Variants in MFSD6 observed in about 807,000 individuals in gnomAD.
MFSD6 encodes the protein major facilitator superfamily domain containing 6, also known as major facilitator superfamily domain-containing protein 6.
In MFSD6, 26 loss-of-function variants were observed where a neutral mutation model predicts 56.3. The observed-to-expected ratio is 0.46, with a 90% CI of 0.34 to 0.64. The LOEUF (loss-of-function observed/expected upper bound fraction) is 0.64, where lower values mean the gene tolerates loss of function less well. Among genes scored for constraint, MFSD6 ranks in the 30% least tolerant of loss-of-function variants. MFSD6 has a pLI of 0.01. For missense variants in MFSD6, 750 were observed against 986.2 expected (o/e 0.76, Z 3.21); for synonymous variants, 331 against 366.9 (o/e 0.90, Z 1.12).
chr2:190,427,575 C>A (rs1431310963), intron 2 of MFSD6, among the ~76,000 whole-genome samples: 2 of 152,124 alleles, frequency 1.3e-5, no homozygotes, highest in African/African-American at 4.8e-5. Flanking sequence ...CCTTGGGTAC[C>A]AAGGTCCATA....
chr2:190,448,427 G>A (rs893597442), intron 3 of MFSD6, among the ~76,000 whole-genome samples: 6 of 152,120 alleles, frequency 3.9e-5, no homozygotes, highest in African/African-American at 1.4e-4. Context: ...CATCAATTGA[G>A]GAATGGATAC....
chr2:190,426,484 A>T lies in MFSD6; in HGVS notation c.-53-9493A>T, dbSNP rs1685788771. 6.6e-6 allele frequency among the ~76,000 whole-genome samples: 1 copy of T among 152,060 alleles called. No homozygotes were observed. The highest frequency in any genetic ancestry group is 2.4e-5 in the African/African-American group (1 of 41,398). On this transcript the variant is annotated intron_variant, in intron 2 of 7. Transcript: ENST00000392328. The surrounding 1 kb of genome is among the most constrained non-coding windows in gnomAD (Gnocchi z 4.7). ...CTAAGCATTTTTAGGATGGCTTTTT[A>T]AAAATATTTTAAATTCAGGGGGTAC...
In MFSD6 at chr2:190,446,633, G is replaced by C. The variant is rs148088505; in HGVS notation, c.1532+9072G>C. On this transcript the variant is annotated intron_variant, in intron 3 of 7. Coordinates refer to ENST00000392328, the MANE Select transcript of MFSD6 (RefSeq NM_017694.4). ...CTAGGAAGGCACATTCATTTATAAAGAAGCTAATGAAACATGGACTACGAA... is the reference window on the plus strand; with the variant it reads ...CTAGGAAGGCACATTCATTTATAAACAAGCTAATGAAACATGGACTACGAA... Among the ~76,000 whole-genome samples the C allele has an allele frequency of 3.7e-4, 57 of 152,278 alleles. 2 individuals are homozygous for C. The highest frequency in any genetic ancestry group is 1.3e-3 in the African/African-American group (53 of 41,560).
chr2:190,430,407 C>T (rs1269186358), intron 2 of MFSD6, among the ~76,000 whole-genome samples: 1 of 151,152 alleles, frequency 6.6e-6, no homozygotes, highest in Non-Finnish European at 1.5e-5. Flanking sequence ...GGTGATGACT[C>T]TTAAGGAGCA....
intron 2 of MFSD6, among the ~76,000 whole-genome samples, chr2:190,428,127 C>G (rs1685841124): frequency 6.6e-6 from 1 of 152,160 alleles, no homozygotes; most frequent in Non-Finnish European, 1.5e-5. Flanking sequence ...TTTCCTGCTT[C>G]TCTTAGTCCA....
At chr2:190,452,950 C>T (rs10174174) in intron 3 of MFSD6, among the ~76,000 whole-genome samples, 106,384 of 152,070 alleles carry the variant, frequency 0.7, 38,326 homozygotes, top group Admixed American at 0.79. Flanking sequence ...AAATATTGTG[C>T]TCATTCAATA....
intron 2 of MFSD6, among the ~76,000 whole-genome samples, chr2:190,419,625 C>T (rs543134442): frequency 7.9e-5 from 12 of 152,322 alleles, no homozygotes; most frequent in East Asian, 1.9e-4. Flanking sequence ...ATAATGTATT[C>T]GATCTCAGGG....
At position 190,437,496 on chromosome 2, in the gene MFSD6, T is replaced by C. The variant is rs372452117; in HGVS notation, c.1467T>C (p.Ser489=). The C allele has an allele frequency of 5.0e-6, 8 of 1,614,088 alleles. No individual in the cohort carries two copies. In the African/African-American group the frequency reaches 8.0e-5, roughly 16 times the overall value. Residue 489 remains serine (S), a synonymous_variant, in exon 3 of 8, where the codon AGT becomes AGC. Coordinates refer to ENST00000392328, the MANE Select transcript of MFSD6 (RefSeq NM_017694.4). This position sits in a 1 kb window ranked among gnomAD's most constrained non-coding sequence, Gnocchi z 5.9. ...TCTTTGGGGTCTGTTCAGTCCTGAG[T>C]CATGTGTCTGAGCTGACAGCATATT... The part of the protein sequence containing the change: ...TTLFGVCSVL[S]HVSELTAYFF...
chr2:190,445,498 A>AT (rs1686545598), intron 3 of MFSD6, among the ~76,000 whole-genome samples: 2 of 103,730 alleles, frequency 1.9e-5, no homozygotes, highest in African/African-American at 5.9e-5. Context: ...AAAGAACACG[A>AT]ATTTTTTTTT....
Position 190,491,549 on chromosome 2 carries a change from G to A in MFSD6, c.1891+1683G>A, listed in dbSNP as rs1559142629. On this transcript the variant is annotated intron_variant, in intron 6 of 7. Transcript: ENST00000392328. This position sits in a 1 kb window ranked among gnomAD's most constrained non-coding sequence, Gnocchi z 4.2. The stretch of plus-strand genomic sequence containing the variant: ...AGCCCTGCTGGGTGGGCTAGATCCA[G>A]AAGAGAAATGACAATCACTACAGCC... Among the ~76,000 whole-genome samples, 1 of 152,192 alleles carries A rather than the reference G, an allele frequency of 6.6e-6. No homozygotes were observed.
rs1334688531 is a variant in MFSD6, at chr2:190,495,969, A to G, written c.1892-1470A>G. ...GACCAAGAACCCAAAAGCAAATGCA[A>G]CAAAAACAAAGATAAATAGATGGGA... is the stretch of plus-strand genomic sequence containing the variant. On this transcript the variant is annotated intron_variant, in intron 6 of 7. Coordinates refer to ENST00000392328, the MANE Select transcript of MFSD6 (RefSeq NM_017694.4). This position sits in a 1 kb window ranked among gnomAD's most constrained non-coding sequence, Gnocchi z 4.7. Among the ~76,000 whole-genome samples the G allele has an allele frequency of 2.0e-5, 3 of 152,332 alleles. 1 individual carries two copies. The East Asian group carries it at 5.8e-4, about 29-fold the overall frequency.
chr2:190,496,680 A>T lies in MFSD6; in HGVS notation c.1892-759A>T, dbSNP rs951895167. On this transcript the variant is annotated intron_variant, in intron 6 of 7. Coordinates refer to ENST00000392328, the MANE Select transcript of MFSD6 (RefSeq NM_017694.4). This position sits in a 1 kb window ranked among gnomAD's most constrained non-coding sequence, Gnocchi z 4.7. ...TATATGTGTGTGTATGTGTGTGTGTATATACACACACACACATATACATAC... is the reference window on the plus strand; with the variant it reads ...TATATGTGTGTGTATGTGTGTGTGTTTATACACACACACACATATACATAC... 1.3e-5 allele frequency among the ~76,000 whole-genome samples: 2 copies of T among 151,838 alleles called. No individual in the cohort carries two copies. Among genetic ancestry groups the T allele is most frequent in the African/African-American group, 4.8e-5 (2 of 41,342 alleles).
In MFSD6 at chr2:190,433,645, A is replaced by G. The variant is rs1313436650; in HGVS notation, c.-53-2332A>G. On this transcript the variant is annotated intron_variant, in intron 2 of 7. Transcript: ENST00000392328. This position sits in a 1 kb window ranked among gnomAD's most constrained non-coding sequence, Gnocchi z 4.5. ...AGTTAAATTTTTTTTAACCTAAAAA[A>G]CCGACATGAACATTTTCAAAGCTTA... is the stretch of plus-strand genomic sequence containing the variant. Among the ~76,000 whole-genome samples, 2 of 152,176 alleles carry G rather than the reference A, an allele frequency of 1.3e-5. No individual in the cohort carries two copies. Among genetic ancestry groups the G allele is most frequent in the Admixed American group, 1.3e-4 (2 of 15,280 alleles).
In MFSD6 at chr2:190,437,096, A is replaced by T. The variant is rs1183696170; in HGVS notation, c.1067A>T (p.Asp356Val). Residue 356 changes from aspartate to valine, a missense_variant, in exon 3 of 8, where the codon GAT becomes GTT. Coordinates refer to ENST00000392328, the MANE Select transcript of MFSD6 (RefSeq NM_017694.4). This position sits in a 1 kb window ranked among gnomAD's most constrained non-coding sequence, Gnocchi z 5.9. Reference protein sequence around the residue: ...IDYTHIEVLIDGKGCKPPEYR... With the variant: ...IDYTHIEVLIVGKGCKPPEYR... ...TACACCCACATCGAAGTGCTCATCG[A>T]TGGAAAGGGGTGTAAGCCCCCCGAG... 1 of 1,614,260 alleles carries T rather than the reference A, an allele frequency of 6.2e-7. No individual in the cohort carries two copies. Among genetic ancestry groups the T allele is most frequent in the Non-Finnish European group, 8.5e-7 (1 of 1,180,042 alleles).
Position 190,462,150 on chromosome 2 carries a change from TA to T in MFSD6, c.1533-7606del, listed in dbSNP as rs1367459852. Among the ~76,000 whole-genome samples the T allele has an allele frequency of 6.6e-6, 1 of 152,194 alleles. No homozygotes were observed. Among genetic ancestry groups the T allele is most frequent in the Non-Finnish European group, 1.5e-5 (1 of 68,032 alleles). On this transcript the variant is annotated intron_variant, in intron 3 of 7. Coordinates refer to ENST00000392328, the MANE Select transcript of MFSD6 (RefSeq NM_017694.4). This position sits in a 1 kb window ranked among gnomAD's most constrained non-coding sequence, Gnocchi z 5.7. ...TTCTTGGTTTGTTTTTGTATTAATA[TA>T]ATGTGAATATGGATATGAATTGATT...
At position 190,416,119 on chromosome 2, in the gene MFSD6, A is replaced by G. The variant is rs1251462493; in HGVS notation, c.-54+706A>G. 6.6e-6 allele frequency among the ~76,000 whole-genome samples: 1 copy of G among 152,222 alleles called. No individual in the cohort carries two copies. The highest frequency in any genetic ancestry group is 2.4e-5 in the African/African-American group (1 of 41,444). On this transcript the variant is annotated intron_variant, in intron 2 of 7. Coordinates refer to ENST00000392328, the MANE Select transcript of MFSD6 (RefSeq NM_017694.4). The surrounding 1 kb of genome is among the most constrained non-coding windows in gnomAD (Gnocchi z 4.1). ...TGGCACAATATTTAATCAGGAGTCTAAAACTAATAAGTAGGAATCTGCTTC... is the reference window on the plus strand; with the variant it reads ...TGGCACAATATTTAATCAGGAGTCTGAAACTAATAAGTAGGAATCTGCTTC...
rs896898930 is a variant in MFSD6, at chr2:190,476,010, T to C, written c.1630+6155T>C. 2.1e-3 allele frequency among the ~76,000 whole-genome samples: 318 copies of C among 152,290 alleles called. 1 individual carries two copies. Among genetic ancestry groups the C allele is most frequent in the Non-Finnish European group, 3.4e-3 (231 of 68,026 alleles). ...GTGCTGAGAAAACTGGCTAGCCATATATAGAAAGCTGAAACTGGATCCCTT... is the reference window on the plus strand; with the variant it reads ...GTGCTGAGAAAACTGGCTAGCCATACATAGAAAGCTGAAACTGGATCCCTT... On this transcript the variant is annotated intron_variant, in intron 4 of 7. Transcript: ENST00000392328.
At position 190,434,017 on chromosome 2, in the gene MFSD6, C is replaced by A. The variant is rs527294863; in HGVS notation, c.-53-1960C>A. On this transcript the variant is annotated intron_variant, in intron 2 of 7. Transcript: ENST00000392328. The surrounding 1 kb of genome is among the most constrained non-coding windows in gnomAD (Gnocchi z 4.3). Reference sequence around the variant, plus strand: ...AACGGCCTGGGCAACATGGCAAAAACCCCATCTCTACAAAAATTAGTTGGG... The same window carrying A: ...AACGGCCTGGGCAACATGGCAAAAAACCCATCTCTACAAAAATTAGTTGGG... Among the ~76,000 whole-genome samples the A allele has an allele frequency of 6.6e-6, 1 of 151,844 alleles. No homozygotes were observed. The highest frequency in any genetic ancestry group is 1.9e-4 in the East Asian group (1 of 5,162).
intron 2 of MFSD6, among the ~76,000 whole-genome samples, chr2:190,429,374 G>A (rs1322832288): frequency 6.6e-6 from 1 of 150,608 alleles, no homozygotes; most frequent in Non-Finnish European, 1.5e-5. Flanking sequence ...CGCCCAGCCT[G>A]GAGTACAGTG....
Sources: gnomAD v4.1 joint callset for allele counts (sites outside exome capture counted in the v4.1 genomes callset) on GRCh38, gnomAD v4.1.1 for gene constraint, Gnocchi (gnomAD v3.1) non-coding constraint, MANE v1.5 for transcripts, NCBI Gene and HGNC (gene_info 2026-07-23, HGNC 2026-07-21) for gene names.